NBAS: variants seen among roughly 807,000 people sequenced by gnomAD.
NBAS encodes the protein NBAS subunit of NRZ tethering complex.
Under a neutral mutation model 302.5 loss-of-function variants are expected in NBAS, and 219 were observed. The ratio of observed to expected loss-of-function variants is 0.72; its 90% CI spans 0.65 to 0.81. The LOEUF (loss-of-function observed/expected upper bound fraction) is 0.81. NBAS is among the 30% of genes least tolerant of loss of function. The pLI is 0.00. For synonymous variants in NBAS, 1,118 were observed against 1,021.6 expected (o/e 1.09, Z -1.80); for missense variants, 2,932 against 2,841.6 (o/e 1.03, Z -0.72).
At position 15,467,780 on chromosome 2, in the gene NBAS, G is replaced by A. The variant is rs751342169; in HGVS notation, c.1902C>T (p.Asp634=). 3.1e-5 allele frequency: 50 copies of A among 1,592,688 alleles called. No individual in the cohort carries two copies. The highest frequency in any genetic ancestry group is 4.0e-5 in the Non-Finnish European group (47 of 1,161,170). Residue 634 remains aspartate (D), a synonymous_variant, in exon 18 of 52, where the codon GAC becomes GAT. Transcript: ENST00000281513. Reference sequence around the variant, plus strand: ...GCTCTTCATAGGAGATACTGTCAATGTCTATTTCACCAGGTAATGTAAATC... The same window carrying A: ...GCTCTTCATAGGAGATACTGTCAATATCTATTTCACCAGGTAATGTAAATC... ...DGRFTLPGEI[D]IDSISYEELS...
At position 15,415,684 on chromosome 2, in the gene NBAS, C is replaced by A; in HGVS notation, c.2799G>T (p.Gln933His). 6.2e-7 allele frequency: 1 copy of A among 1,614,206 alleles called. No individual in the cohort carries two copies. The highest frequency in any genetic ancestry group is 8.5e-7 in the Non-Finnish European group (1 of 1,180,042). The change falls in exon 25 of 52, where the codon CAG becomes CAT. Residue 933 changes from glutamine to histidine, a missense_variant. Coordinates refer to ENST00000281513, the MANE Select transcript of NBAS (RefSeq NM_015909.4). The part of the protein sequence containing the change: ...SEDKYVTSAY[Q>H]WMVPFLHRCE... ...AACGATGAAGAAAGGGAACCATCCA[C>A]TGGTAGGCACTTGTCACATATTTAT...
At chr2:14,862,580 G>A in the NBAS span, among the ~76,000 whole-genome samples, 5 of 152,078 alleles carry the variant, frequency 3.3e-5, no homozygotes, top group East Asian at 9.6e-4. Flanking sequence ...CTAAGTTTCA[G>A]ATTCTTCATC....
chr2:14,840,933 G>A, the NBAS span, among the ~76,000 whole-genome samples: 1 of 152,012 alleles, frequency 6.6e-6, no homozygotes, highest in Non-Finnish European at 1.5e-5. Context: ...CTGGTATGAA[G>A]CCAGACAGAC....
chr2:14,791,803 C>CATAA, the NBAS span, among the ~76,000 whole-genome samples: 43,222 of 138,932 alleles, frequency 0.31, 7,114 homozygotes, highest in African/African-American at 0.35. Flanking sequence ...GACTCCATCT[C>CATAA]ATAAATAAAT....
the NBAS span, among the ~76,000 whole-genome samples, chr2:15,030,560 C>A: frequency 3.9e-5 from 6 of 152,204 alleles, no homozygotes; most frequent in South Asian, 4.1e-4. Flanking sequence ...CAGGTGTGGG[C>A]ACCTCTCTTT....
rs760152191 is a variant in NBAS at position 15,292,638 on chromosome 2, G to C, written c.4926C>G (p.Phe1642Leu). 1 of 1,614,204 alleles carries C rather than the reference G, an allele frequency of 6.2e-7. No individual in the cohort carries two copies. Among genetic ancestry groups the C allele is most frequent in the Non-Finnish European group, 8.5e-7 (1 of 1,180,042 alleles). The change falls in exon 41 of 52, where the codon TTC becomes TTG. Residue 1642 changes from phenylalanine (F) to leucine (L), a missense_variant. Transcript: ENST00000281513. ...GGCCCTGAAGGATCTGCGCCTGAGT[G>C]AAATCCAGGAGACGTTCATTGTAGC... is the stretch of plus-strand genomic sequence containing the variant. ...LHCYNERLLD[F>L]TQAQILQGLR...
At chr2:15,399,689 C>T (rs1198202624) in intron 26 of NBAS, among the ~76,000 whole-genome samples, 1 of 152,050 alleles carries the variant, frequency 6.6e-6, no homozygotes, top group African/African-American at 2.4e-5. Context: ...TAAGAACATA[C>T]CCTAAAGGTC....
At chr2:15,502,137 A>C (rs1206971204) in intron 11 of NBAS, among the ~76,000 whole-genome samples, 1 of 152,158 alleles carries the variant, frequency 6.6e-6, no homozygotes, top group Non-Finnish European at 1.5e-5. Context: ...CCAACAGAAG[A>C]CCAAACACAT....
At chr2:15,097,954 TAA>T in the NBAS span, among the ~76,000 whole-genome samples, 1 of 107,860 alleles carries the variant, frequency 9.3e-6, no homozygotes, top group Non-Finnish European at 1.7e-5. Flanking sequence ...ATATTGTATA[TAA>T]TATATATATT....
the NBAS span, among the ~76,000 whole-genome samples, chr2:15,128,755 T>C: frequency 1.3e-5 from 2 of 152,130 alleles, no homozygotes; most frequent in Non-Finnish European, 2.9e-5. Flanking sequence ...GGAGAGGACT[T>C]TGAAGGCCAG....
intron 7 of NBAS, 28 bp downstream of exon 7, chr2:15,539,193 CTA>C (rs751962870): frequency 1.9e-5 from 31 of 1,613,760 alleles, no homozygotes; most frequent in Non-Finnish European, 2.5e-5. Context: ...ATTGAAAAAA[CTA>C]TGTTTTCAAT....
chr2:15,541,079 T>C (rs552213936), intron 6 of NBAS, among the ~76,000 whole-genome samples: 1 of 152,326 alleles, frequency 6.6e-6, no homozygotes, highest in East Asian at 1.9e-4. Flanking sequence ...TCTCCAATCT[T>C]ACTCATCCTT....
the NBAS span, among the ~76,000 whole-genome samples, chr2:15,103,236 C>T: frequency 7.9e-5 from 12 of 152,120 alleles, no homozygotes; most frequent in Non-Finnish European, 1.5e-4. Flanking sequence ...TATACTTCCC[C>T]ACACGTCAAG....
chr2:14,960,247 G>A, the NBAS span, among the ~76,000 whole-genome samples: 4 of 152,128 alleles, frequency 2.6e-5, no homozygotes, highest in African/African-American at 7.2e-5. Flanking sequence ...GTAGCACAGC[G>A]TTTCATCCAT....
intron 7 of NBAS, among the ~76,000 whole-genome samples, chr2:15,537,454 A>G (rs1241751443): frequency 6.6e-6 from 1 of 152,118 alleles, no homozygotes; most frequent in Non-Finnish European, 1.5e-5. Context: ...TTGTCTAGTC[A>G]CATCTCAACA....
chr2:15,522,871 T>G (rs1662742217), intron 9 of NBAS, among the ~76,000 whole-genome samples: 1 of 152,250 alleles, frequency 6.6e-6, no homozygotes, highest in East Asian at 1.9e-4. Context: ...TTATATTTAT[T>G]ACATACTATA....
intron 27 of NBAS, among the ~76,000 whole-genome samples, 158 bp from the exon 28 acceptor site, chr2:15,394,507 G>GA (rs991870515): frequency 7.3e-5 from 11 of 151,656 alleles, no homozygotes; most frequent in South Asian, 6.3e-4. Context: ...CAGCAAAAAA[G>GA]AAAAAAAATC....
the NBAS span, among the ~76,000 whole-genome samples, chr2:14,985,387 A>T: frequency 6.6e-6 from 1 of 152,248 alleles, no homozygotes; most frequent in African/African-American, 2.4e-5. Flanking sequence ...CCTGAAAAAC[A>T]TAAGGTAGCA....
At chr2:15,020,418 G>A in the NBAS span, among the ~76,000 whole-genome samples, 4,370 of 152,310 alleles carry the variant, frequency 0.029, 200 homozygotes, top group African/African-American at 0.099. Context: ...AAGAGCTGGA[G>A]CAGGCAGAGG....
Sources: allele counts gnomAD v4.1 joint callset (sites outside exome capture counted in the v4.1 genomes callset), GRCh38; gene constraint gnomAD v4.1.1; transcripts MANE v1.5; gene names NCBI Gene and HGNC (gene_info 2026-07-23, HGNC 2026-07-21).